Variants in PPP1R1C observed in about 807,000 individuals in gnomAD.
PPP1R1C encodes protein phosphatase 1 regulatory subunit 1C.
In PPP1R1C, 15 loss-of-function variants were observed where a neutral mutation model predicts 17.4. The ratio of observed to expected loss-of-function variants is 0.86; its 90% CI spans 0.58 to 1.33. The LOEUF (loss-of-function observed/expected upper bound fraction) is 1.33. PPP1R1C is among the 40% of genes most tolerant of loss of function. The pLI is 0.00. For synonymous variants in PPP1R1C, 35 were observed against 43.1 expected, an observed-to-expected ratio of 0.81 and a Z score of 0.73; for missense variants, 143 against 130.0, an observed-to-expected ratio of 1.10 and a Z score of -0.48.
At chr2:182,052,017 C>T (rs1687536593) in intron 2 of PPP1R1C, among the ~76,000 whole-genome samples, 1 of 151,156 alleles carries the variant, frequency 6.6e-6, no homozygotes, top group Non-Finnish European at 1.5e-5. Flanking sequence ...AAAAAAAAAT[C>T]ATGATAATAC....
chr2:182,103,190 A>G (rs1044078051), intron 4 of PPP1R1C, among the ~76,000 whole-genome samples: 31 of 152,328 alleles, frequency 2.0e-4, no homozygotes, highest in African/African-American at 6.7e-4. Flanking sequence ...ATCTCAAGTT[A>G]GTGATACTTG....
intron 1 of PPP1R1C, among the ~76,000 whole-genome samples, chr2:181,969,025 T>C (rs1265174824): frequency 6.6e-6 from 1 of 152,174 alleles, no homozygotes; most frequent in Non-Finnish European, 1.5e-5. Context: ...TTTTTAACTT[T>C]CTGTTATTTC....
intron 2 of PPP1R1C, among the ~76,000 whole-genome samples, chr2:182,002,852 A>G (rs1153734): frequency 0.22 from 33,220 of 150,514 alleles, 4,477 homozygotes; most frequent in Admixed American, 0.39. Context: ...ATCACCCCCT[A>G]GTATCTGTAC....
chr2:182,120,446 T>C (rs894955443), downstream of PPP1R1C, among the ~76,000 whole-genome samples: 1 of 152,148 alleles, frequency 6.6e-6, no homozygotes, highest in African/African-American at 2.4e-5. Flanking sequence ...AAGAATCAAA[T>C]AGATGCAATA....
At chr2:181,992,173 C>A (rs555006394) in intron 2 of PPP1R1C, among the ~76,000 whole-genome samples, 1 of 152,172 alleles carries the variant, frequency 6.6e-6, no homozygotes, top group South Asian at 2.1e-4. Context: ...AGAGAAGAAT[C>A]CATAATTAAC....
intron 4 of PPP1R1C, among the ~76,000 whole-genome samples, chr2:182,064,647 T>C (rs1235254816): frequency 6.6e-6 from 1 of 152,060 alleles, no homozygotes; most frequent in African/African-American, 2.4e-5. Flanking sequence ...GGGATATAAA[T>C]GGACACATTA....
intron 1 of PPP1R1C, among the ~76,000 whole-genome samples, chr2:181,965,771 GCTTTGGCTATTCTGGAT>G: frequency 6.6e-6 from 1 of 152,250 alleles, no homozygotes. Flanking sequence ...GCTCGGGATA[GCTTTGGCTATTCTGGAT>G]CTTTGGTGGT....
intron 2 of PPP1R1C, among the ~76,000 whole-genome samples, chr2:181,979,623 G>T (rs1324584556): frequency 6.6e-6 from 1 of 152,152 alleles, no homozygotes; most frequent in African/African-American, 2.4e-5. Context: ...TCAGTTGGGG[G>T]TATCGGGGTA....
At chr2:182,070,233 C>T (rs764428409) in intron 4 of PPP1R1C, among the ~76,000 whole-genome samples, 1 of 152,156 alleles carries the variant, frequency 6.6e-6, no homozygotes, top group Non-Finnish European at 1.5e-5. Flanking sequence ...AAGTGGAATA[C>T]GTGGCTCATA....
chr2:181,969,847 T>C (rs1684972163), intron 1 of PPP1R1C, among the ~76,000 whole-genome samples: 1 of 152,180 alleles, frequency 6.6e-6, no homozygotes, highest in Non-Finnish European at 1.5e-5. Context: ...TGTCTTCAAG[T>C]TCATCAGTTC....
At chr2:182,076,082 GC>G (rs1688288630) in intron 4 of PPP1R1C, among the ~76,000 whole-genome samples, 1 of 149,782 alleles carries the variant, frequency 6.7e-6, no homozygotes, top group Non-Finnish European at 1.5e-5. Context: ...GTTGATTTTT[GC>G]CTTGAAAAAG....
At chr2:182,048,905 T>G (rs1226871738) in intron 2 of PPP1R1C, 2 of 152,232 alleles carry the variant, frequency 1.3e-5, no homozygotes, top group African/African-American at 4.8e-5. Flanking sequence ...AGTAGTTGGA[T>G]GGGAAACATG....
chr2:181,968,445 A>G (rs1174122304), intron 1 of PPP1R1C, among the ~76,000 whole-genome samples: 1 of 151,948 alleles, frequency 6.6e-6, no homozygotes, highest in Admixed American at 6.5e-5. Context: ...TCATTATATA[A>G]TGACCTTTTT....
chr2:181,962,280 T>C lies in PPP1R1C; in HGVS notation n.111+7646T>C. ...CCCATTCCTGCCAGACCCCCGGCCA[T>C]CCCCGCGGCCAGGTCCCCGGACCCC... On this transcript the variant is annotated intron_variant and non_coding_transcript_variant, in intron 1 of 5. Transcript: ENST00000464264. This position sits in a 1 kb window ranked among gnomAD's most constrained non-coding sequence, Gnocchi z 6.0. 1.3e-6 allele frequency: 1 copy of C among 741,706 alleles called. No individual in the cohort carries two copies. Among genetic ancestry groups the C allele is most frequent in the Non-Finnish European group, 2.4e-6 (1 of 421,790 alleles). The allele number at this position is 741,706 out of a possible 1,614,324, so 45.9% of individuals were successfully genotyped here.
At chr2:182,122,235 A>G (rs1324438024), downstream of PPP1R1C, among the ~76,000 whole-genome samples, 2 of 152,160 alleles carry the variant, frequency 1.3e-5, no homozygotes, top group African/African-American at 4.8e-5. Context: ...AAAATTACTC[A>G]CTAATTTTTT....
intron 4 of PPP1R1C, among the ~76,000 whole-genome samples, chr2:182,075,591 A>G (rs1328569859): frequency 6.6e-6 from 1 of 152,192 alleles, no homozygotes; most frequent in East Asian, 1.9e-4. Flanking sequence ...TTTACACACC[A>G]TCACTGCGTA....
chr2:182,033,855 A>T (rs1369788224), intron 2 of PPP1R1C, among the ~76,000 whole-genome samples: 1 of 152,152 alleles, frequency 6.6e-6, no homozygotes, highest in African/African-American at 2.4e-5. Flanking sequence ...CTTACGCTAA[A>T]TCGCTTTGAA....
At chr2:182,025,200 T>TTA (rs934740189) in intron 2 of PPP1R1C, among the ~76,000 whole-genome samples, 6 of 146,620 alleles carry the variant, frequency 4.1e-5, no homozygotes, top group African/African-American at 1.5e-4. Flanking sequence ...ATTATTATTA[T>TTA]TTATTTATTT....
intron 2 of PPP1R1C, among the ~76,000 whole-genome samples, chr2:181,992,437 G>C (rs1223227280): frequency 7.4e-6 from 1 of 134,774 alleles, no homozygotes; most frequent in Non-Finnish European, 1.7e-5. Context: ...GCTGGACACA[G>C]TCTTCCAGTA....
Sources: allele counts gnomAD v4.1 joint callset (sites outside exome capture counted in the v4.1 genomes callset), GRCh38; gene constraint gnomAD v4.1.1; non-coding constraint Gnocchi (gnomAD v3.1); transcripts MANE v1.5; gene names NCBI Gene and HGNC (gene_info 2026-07-23, HGNC 2026-07-21).